The following PTPRN2 variants were observed in gnomAD, a reference collection of about 807,000 sequenced individuals.
PTPRN2 encodes the protein protein tyrosine phosphatase receptor type N2, also known as receptor-type tyrosine-protein phosphatase N2.
PTPRN2 carries 74 observed loss-of-function variants against 118.8 expected under a neutral mutation model. The observed-to-expected ratio is 0.62, with a 90% CI of 0.52 to 0.76. PTPRN2 has a LOEUF of 0.76. Ranked by LOEUF, PTPRN2 falls within the 30% of genes least tolerant of loss-of-function variation. PTPRN2 has a pLI of 0.00. For missense variants in PTPRN2, 1,481 were observed against 1,394.4 expected (o/e 1.06, Z -0.99); for synonymous variants, 641 against 608.0 (o/e 1.05, Z -0.80).
rs1447337322 is a variant in PTPRN2, at chr7:158,326,930, TGC to T, written c.164-10000_164-9999del. Among the ~76,000 whole-genome samples the T allele has an allele frequency of 6.2e-5, 9 of 145,194 alleles. 1 individual carries two copies. Among genetic ancestry groups the T allele is most frequent in the South Asian group, 2.3e-4 (1 of 4,426 alleles). Reference sequence around the variant, plus strand: ...ATGCACATGCTCACACGTTCTCACATGCACACATACACATTTTCACACATGCA... The same window carrying T: ...ATGCACATGCTCACACGTTCTCACATACACATACACATTTTCACACATGCA... On this transcript the variant is annotated intron_variant, in intron 2 of 22. Coordinates refer to ENST00000389418, the MANE Select transcript of PTPRN2 (RefSeq NM_002847.5).
intron 11 of PTPRN2, among the ~76,000 whole-genome samples, chr7:157,938,029 T>C (rs1223208731): frequency 6.6e-6 from 1 of 152,196 alleles, no homozygotes; most frequent in Non-Finnish European, 1.5e-5. Context: ...GCAGAGTGCA[T>C]GGTGGGGCCA....
intron 2 of PTPRN2, among the ~76,000 whole-genome samples, chr7:158,387,899 C>T (rs1302291474): frequency 6.6e-6 from 1 of 152,172 alleles, no homozygotes; most frequent in East Asian, 1.9e-4. Flanking sequence ...ACCCGCCAGG[C>T]CCCCAATCGG....
chr7:158,110,534 A>G (rs1816147257), intron 10 of PTPRN2, among the ~76,000 whole-genome samples: 1 of 152,198 alleles, frequency 6.6e-6, no homozygotes, highest in Non-Finnish European at 1.5e-5. Context: ...GCTCCCACAC[A>G]TTGGCATAGG....
intron 2 of PTPRN2, among the ~76,000 whole-genome samples, chr7:158,319,473 C>A (rs1802664227): frequency 1.8e-5 from 1 of 55,712 alleles, no homozygotes; most frequent in Non-Finnish European, 3.9e-5. Context: ...CCCTCACACA[C>A]AAGCACAGCC....
intron 1 of PTPRN2, among the ~76,000 whole-genome samples, chr7:158,549,949 G>C (rs1389338837): frequency 6.6e-6 from 1 of 152,208 alleles, no homozygotes; most frequent in East Asian, 1.9e-4. Context: ...AGCAGGCCTG[G>C]GAGCCCTCCC....
chr7:158,128,571 G>A (rs1248201258), intron 9 of PTPRN2, among the ~76,000 whole-genome samples: 1 of 152,148 alleles, frequency 6.6e-6, no homozygotes, highest in Non-Finnish European at 1.5e-5. Flanking sequence ...ATGACCCAAT[G>A]TGATAGGTCT....
rs1801510141 is a variant in PTPRN2, at chr7:157,599,020, T to A, written c.2419-3705A>T. ...AGTATAATTCTGTTTTTACTTTTTT[T>A]TTTTTTTGAGATGGAGCCTCACCCT... On this transcript the variant is annotated intron_variant, in intron 16 of 22. Coordinates refer to ENST00000389418, the MANE Select transcript of PTPRN2 (RefSeq NM_002847.5). Among the ~76,000 whole-genome samples, 3 of 152,024 alleles carry A rather than the reference T, an allele frequency of 2.0e-5. No homozygotes were observed. In the South Asian group the frequency reaches 6.2e-4, roughly 32 times the overall value.
chr7:158,117,424 T>C (rs1162541280), intron 9 of PTPRN2, among the ~76,000 whole-genome samples: 2 of 152,076 alleles, frequency 1.3e-5, no homozygotes, highest in East Asian at 3.8e-4. Context: ...ACATGTGGGA[T>C]ACCACTAAGA....
Position 157,974,761 on chromosome 7 carries a change from A to G in PTPRN2, c.1724-76024T>C, listed in dbSNP as rs62475448. Among the ~76,000 whole-genome samples, 3,701 of 151,780 alleles carry G rather than the reference A, an allele frequency of 0.024. 71 individuals carry two copies. Among genetic ancestry groups the G allele is most frequent in the Middle Eastern group, 0.041 (12 of 294 alleles). On this transcript the variant is annotated intron_variant, in intron 11 of 22. Transcript: ENST00000389418. The surrounding 1 kb of genome is among the most constrained non-coding windows in gnomAD (Gnocchi z 4.0). ...TGTTGCTGGGCATGGTGGATTTGCA[A>G]ATTTCCAGGGCGGTGGGGGGTCTGG...
chr7:157,570,716 C>T (rs564366513), intron 20 of PTPRN2, among the ~76,000 whole-genome samples: 1 of 152,316 alleles, frequency 6.6e-6, no homozygotes, highest in East Asian at 1.9e-4. Flanking sequence ...GGCTGTACCT[C>T]CTGTAATGAC....
At chr7:157,745,331 CCT>C (rs1563063287) in intron 12 of PTPRN2, among the ~76,000 whole-genome samples, 1 of 151,990 alleles carries the variant, frequency 6.6e-6, no homozygotes, top group South Asian at 2.1e-4. Flanking sequence ...ACTCGTCCAC[CCT>C]CTCACTGTAA....
intron 3 of PTPRN2, among the ~76,000 whole-genome samples, chr7:158,229,840 C>T (rs963228066): frequency 6.6e-6 from 1 of 152,136 alleles, no homozygotes; most frequent in South Asian, 2.1e-4. Context: ...GAAACAATAA[C>T]AGAAAACTTC....
chr7:157,770,714 G>T (rs1423544440), intron 12 of PTPRN2, among the ~76,000 whole-genome samples: 1 of 152,186 alleles, frequency 6.6e-6, no homozygotes, highest in Non-Finnish European at 1.5e-5. Context: ...GGACATCCTC[G>T]GGAAGAGCGT....
intron 12 of PTPRN2, among the ~76,000 whole-genome samples, chr7:157,884,629 C>A (rs79124027): frequency 1.3e-4 from 20 of 152,318 alleles, no homozygotes; most frequent in Non-Finnish European, 2.5e-4. Flanking sequence ...GGAGGCCTCA[C>A]AATCACAAGG....
At chr7:158,017,088 A>G (rs929359114) in intron 11 of PTPRN2, among the ~76,000 whole-genome samples, 2 of 152,258 alleles carry the variant, frequency 1.3e-5, no homozygotes, top group African/African-American at 2.4e-5. Context: ...TCAGATTAAT[A>G]ACGTTAACAA....
intron 11 of PTPRN2, among the ~76,000 whole-genome samples, chr7:158,059,069 A>G (rs369079726): frequency 4.0e-5 from 5 of 126,152 alleles, no homozygotes; most frequent in African/African-American, 7.5e-5. Context: ...CCACGGTGAC[A>G]CATCACTGCA....
chr7:157,905,928 G>A (rs1481800705), intron 11 of PTPRN2, among the ~76,000 whole-genome samples: 1 of 152,100 alleles, frequency 6.6e-6, no homozygotes, highest in African/African-American at 2.4e-5. Flanking sequence ...CTGAAACGAC[G>A]TCCCCTAGGG....
chr7:157,747,844 C>G (rs1298716592), intron 12 of PTPRN2, among the ~76,000 whole-genome samples: 4 of 78,736 alleles, frequency 5.1e-5, no homozygotes, highest in African/African-American at 6.1e-5. Flanking sequence ...TTGGGCTGTC[C>G]GGGTGATTCT....
chr7:158,554,127 G>A (rs2129450379), intron 1 of PTPRN2, among the ~76,000 whole-genome samples: 1 of 152,346 alleles, frequency 6.6e-6, no homozygotes, highest in East Asian at 1.9e-4. Context: ...TTAGCCGGAT[G>A]TGGTGGCATG....
Sources: gnomAD v4.1 joint callset for allele counts (sites outside exome capture counted in the v4.1 genomes callset) on GRCh38, gnomAD v4.1.1 for gene constraint, Gnocchi (gnomAD v3.1) non-coding constraint, MANE v1.5 for transcripts, NCBI Gene and HGNC (gene_info 2026-07-23, HGNC 2026-07-21) for gene names.